LIN52: variants seen among roughly 807,000 people sequenced by gnomAD.
The protein encoded by LIN52 is lin-52 DREAM MuvB core complex component.
LIN52 carries 4 observed loss-of-function variants against 18.5 expected under a neutral mutation model. That is an observed-to-expected ratio of 0.22 (90% CI 0.11 to 0.49). The LOEUF is 0.49. Among genes scored for constraint, LIN52 ranks in the 20% least tolerant of loss-of-function variants. The pLI, the probability that LIN52 is intolerant of heterozygous loss-of-function variation, is 0.97. For missense variants in LIN52, 102 were observed against 139.5 expected (o/e 0.73, Z 1.35); for synonymous variants, 34 against 45.5 (o/e 0.75, Z 1.02).
rs1160833358 is a variant in LIN52 at position 74,137,170 on chromosome 14, A to AT, written c.283+35933dup. On this transcript the variant is annotated intron_variant, in intron 5 of 5. Transcript: ENST00000555028. ...TTTATATATGAATATATATATATAT[A>AT]TATTTTTTTAATCTATATTACGTAT... is the stretch of plus-strand genomic sequence containing the variant. Among the ~76,000 whole-genome samples, 381 of 106,644 alleles carry AT rather than the reference A, an allele frequency of 3.6e-3. 2 individuals carry two copies. The highest frequency in any genetic ancestry group is 0.013 in the African/African-American group (350 of 27,136). The allele number at this position is 106,644 out of a possible 152,430, so 70.0% of individuals were successfully genotyped here.
At chr14:74,148,723 A>T (rs565215407) in intron 5 of LIN52, among the ~76,000 whole-genome samples, 18 of 151,682 alleles carry the variant, frequency 1.2e-4, no homozygotes, top group Admixed American at 4.6e-4. Flanking sequence ...TTAGTATCCC[A>T]GTTTGTTAGG....
chr14:74,174,637 T>C (rs2061284587), intron 5 of LIN52: 1 of 151,812 alleles, frequency 6.6e-6, no homozygotes, highest in South Asian at 2.1e-4. Context: ...TAAGGAAGGG[T>C]GAACCAGCCC....
At chr14:74,106,886 C>T (rs760789297) in intron 5 of LIN52, among the ~76,000 whole-genome samples, 9 of 152,194 alleles carry the variant, frequency 5.9e-5, no homozygotes, top group East Asian at 3.8e-4. Context: ...CCACCACGCC[C>T]GGCCCCGGCC....
chr14:74,092,237 G>GCCC (rs1229904944), intron 2 of LIN52, among the ~76,000 whole-genome samples: 2 of 150,994 alleles, frequency 1.3e-5, no homozygotes, highest in African/African-American at 4.9e-5. Flanking sequence ...GTCCCAAAGT[G>GCCC]CTGGGATTAC....
chr14:74,163,054 T>TA (rs1443257087), intron 5 of LIN52, among the ~76,000 whole-genome samples: 1 of 152,166 alleles, frequency 6.6e-6, no homozygotes, highest in Admixed American at 6.5e-5. Flanking sequence ...GGTAGGCACT[T>TA]ACCCTTTCTA....
intron 5 of LIN52, among the ~76,000 whole-genome samples, chr14:74,129,753 CAA>C (rs946759421): frequency 3.9e-5 from 6 of 152,172 alleles, no homozygotes; most frequent in East Asian, 3.9e-4. Context: ...GAGGCTGAGA[CAA>C]GAGGATTCCT....
chr14:74,089,043 G>A (rs1249276658), intron 1 of LIN52, among the ~76,000 whole-genome samples: 6 of 152,134 alleles, frequency 3.9e-5, no homozygotes, highest in Non-Finnish European at 1.5e-5. Context: ...ATCAATTCTG[G>A]CCTCTTTATG....
chr14:74,125,965 C>T (rs1045705939), intron 5 of LIN52, among the ~76,000 whole-genome samples: 1 of 150,402 alleles, frequency 6.6e-6, no homozygotes, highest in African/African-American at 2.5e-5. Flanking sequence ...GTGCAGCACA[C>T]CAACATGGCA....
intron 5 of LIN52, among the ~76,000 whole-genome samples, chr14:74,126,484 A>G (rs764118625): frequency 2.8e-4 from 43 of 152,228 alleles, no homozygotes; most frequent in Admixed American, 8.5e-4. Context: ...AAACAACCCA[A>G]GTGTCCATCA....
intron 5 of LIN52, among the ~76,000 whole-genome samples, chr14:74,163,875 T>C (rs1222795527): frequency 6.6e-6 from 1 of 152,208 alleles, no homozygotes; most frequent in Non-Finnish European, 1.5e-5. Context: ...CTATATCACC[T>C]GCTTTATTCT....
chr14:74,200,643 A>T lies in LIN52; in HGVS notation c.*1666A>T, dbSNP rs2078943081. The T allele has an allele frequency of 6.6e-6, 1 of 152,162 alleles. No homozygotes were observed. Among genetic ancestry groups the T allele is most frequent in the African/African-American group, 2.4e-5 (1 of 41,432 alleles). The allele number at this position is 152,162 out of a possible 1,614,324, so 9.4% of individuals were successfully genotyped here. A position where few individuals can be genotyped will look rare whatever the true frequency, so the allele number is the denominator to read the frequency against. On this transcript the variant is annotated 3_prime_UTR_variant, in exon 6 of 6. Coordinates refer to ENST00000555028, the MANE Select transcript of LIN52 (RefSeq NM_001024674.3). The stretch of plus-strand genomic sequence containing the variant: ...TTTGACCATCAATGTAGTTTTACTT[A>T]TTGAAAGGAAAAAAGACTTAACACA...
chr14:74,127,395 G>A (rs932400341), intron 5 of LIN52, among the ~76,000 whole-genome samples: 5 of 152,144 alleles, frequency 3.3e-5, no homozygotes, highest in Non-Finnish European at 7.4e-5. Flanking sequence ...GTCTGGTAGT[G>A]GGAAGGTGCA....
intron 5 of LIN52, among the ~76,000 whole-genome samples, chr14:74,126,612 A>G (rs544299424): frequency 4.3e-4 from 66 of 152,370 alleles, no homozygotes; most frequent in Non-Finnish European, 7.9e-4. Flanking sequence ...ATATTATACT[A>G]TATGAAGGCA....
chr14:74,165,557 A>G (rs925928754), intron 5 of LIN52, among the ~76,000 whole-genome samples: 1 of 137,590 alleles, frequency 7.3e-6, no homozygotes, highest in Non-Finnish European at 1.5e-5. Flanking sequence ...CCCAGACTGA[A>G]GTACACAGTG....
chr14:74,161,895 A>C (rs148463079), intron 5 of LIN52, among the ~76,000 whole-genome samples: 13 of 152,294 alleles, frequency 8.5e-5, no homozygotes, highest in Non-Finnish European at 1.5e-4. Context: ...TCAGCTTTGC[A>C]GCCTCCCTCC....
intron 5 of LIN52, among the ~76,000 whole-genome samples, chr14:74,175,642 A>G (rs1300655348): frequency 6.6e-6 from 1 of 151,756 alleles, no homozygotes; most frequent in African/African-American, 2.4e-5. Context: ...GGCCGCAGTA[A>G]GCTATAATCA....
intron 5 of LIN52, among the ~76,000 whole-genome samples, chr14:74,169,471 G>A (rs1250978796): frequency 6.6e-6 from 1 of 152,104 alleles, no homozygotes; most frequent in African/African-American, 2.4e-5. Context: ...AGCATCATAA[G>A]TCTATTCCTC....
chr14:74,106,362 T>C (rs548995545), intron 5 of LIN52, among the ~76,000 whole-genome samples: 1 of 152,090 alleles, frequency 6.6e-6, no homozygotes, highest in Admixed American at 6.5e-5. Context: ...CTCGAACTCC[T>C]GGGCTCAAGA....
intron 5 of LIN52, among the ~76,000 whole-genome samples, chr14:74,133,895 A>G (rs1055865965): frequency 3.9e-5 from 6 of 152,188 alleles, no homozygotes; most frequent in East Asian, 3.9e-4. Flanking sequence ...AGTGGAGGAA[A>G]TCAAGATAGG....
Sources: allele counts gnomAD v4.1 joint callset (sites outside exome capture counted in the v4.1 genomes callset), GRCh38; gene constraint gnomAD v4.1.1; transcripts MANE v1.5; gene names NCBI Gene and HGNC (gene_info 2026-07-23, HGNC 2026-07-21).